ADCY5: variants seen among roughly 807,000 people sequenced by gnomAD.
The protein encoded by ADCY5 is adenylate cyclase 5.
ADCY5 carries 30 observed loss-of-function variants against 119.7 expected under a neutral mutation model. The ratio of observed to expected loss-of-function variants is 0.25; its 90% CI spans 0.19 to 0.34. ADCY5 has a LOEUF of 0.34. Among genes scored for constraint, ADCY5 ranks in the 10% least tolerant of loss-of-function variants. The pLI is 1.00. For missense variants in ADCY5, 1,324 were observed against 1,775.2 expected, an observed-to-expected ratio of 0.75 and a Z score of 4.57; for synonymous variants, 753 against 762.2, an observed-to-expected ratio of 0.99 and a Z score of 0.20.
chr3:123,347,879 G>GA lies in ADCY5; in HGVS notation c.1308dup (p.Pro437SerfsTer23). ...TTCATCTCCATGGCAACATGACGGG[G>GA]AAGGACAGACAGCAGGAGCCGTTCC... On this transcript the variant is annotated frameshift_variant, in exon 3 of 21. Transcript: ENST00000462833. LOFTEE classifies it high-confidence loss of function. 1.9e-6 allele frequency: 3 copies of GA among 1,614,128 alleles called. No individual in the cohort carries two copies. The highest frequency in any genetic ancestry group is 2.5e-6 in the Non-Finnish European group (3 of 1,180,032).
At position 123,325,352 on chromosome 3, in the gene ADCY5, G is replaced by A; in HGVS notation, c.2058C>T (p.Gly686=). ...GCTTCATCTCCTTGGACACCTGGTT[G>A]CCACCCAGGTGGTTGTAGAAGGGGC... ...AERPFYNHLG[G]NQVSKEMKRM... The change falls in exon 8 of 21, where the codon GGC becomes GGT. Residue 686 remains glycine, a synonymous_variant. Transcript: ENST00000462833. 1 of 1,614,152 alleles carries A rather than the reference G, an allele frequency of 6.2e-7. No homozygotes were observed. Among genetic ancestry groups the A allele is most frequent in the Non-Finnish European group, 8.5e-7 (1 of 1,180,026 alleles).
intron 3 of ADCY5, among the ~76,000 whole-genome samples, chr3:123,342,400 A>G (rs964417485): frequency 6.6e-6 from 1 of 152,136 alleles, no homozygotes; most frequent in Non-Finnish European, 1.5e-5. Context: ...GGAAAGACTG[A>G]GGAGACAGGG....
intron 1 of ADCY5, among the ~76,000 whole-genome samples, chr3:123,359,560 T>C (rs909803849): frequency 6.6e-6 from 1 of 151,474 alleles, no homozygotes; most frequent in Non-Finnish European, 1.5e-5. Context: ...ACTGCAGCGT[T>C]TTCCGTGTGC....
intron 1 of ADCY5, 24 bp downstream of exon 1, chr3:123,447,388 C>G (rs1338801208): frequency 6.6e-7 from 1 of 1,516,352 alleles, no homozygotes; most frequent in Admixed American, 2.1e-5. Context: ...GCAATCCAGT[C>G]CCGGTGGCCA....
intron 1 of ADCY5, among the ~76,000 whole-genome samples, chr3:123,433,457 C>A (rs1559877389): frequency 6.6e-6 from 1 of 152,196 alleles, no homozygotes; most frequent in Non-Finnish European, 1.5e-5. Flanking sequence ...GCCGTCCCAT[C>A]CCCAAAAGAA....
chr3:123,318,104 A>G lies in ADCY5; in HGVS notation c.2270T>C (p.Val757Ala). 1 of 1,613,380 alleles carries G rather than the reference A, an allele frequency of 6.2e-7. No individual in the cohort carries two copies. The highest frequency in any genetic ancestry group is 8.5e-7 in the Non-Finnish European group (1 of 1,179,710). The change falls in exon 11 of 21, where the codon GTA becomes GCA. Residue 757 changes from valine to alanine, a missense_variant. By Grantham distance (64) the Val-to-Ala change is moderately conservative. This residue lies in a region of ADCY5 where 424 missense variants were observed against 546.8 expected (regional missense o/e 0.78). Coordinates refer to ENST00000462833, the MANE Select transcript of ADCY5 (RefSeq NM_183357.3). Reference sequence around the variant, plus strand: ...CACATAGGCACCAAATCGGTCGTCTACCTGCTTGGAGTACTGAGAGGAGAC... The same window carrying G: ...CACATAGGCACCAAATCGGTCGTCTGCCTGCTTGGAGTACTGAGAGGAGAC... Reference protein sequence around the residue: ...PDLEKKYSKQVDDRFGAYVAC... With the variant: ...PDLEKKYSKQADDRFGAYVAC...
Position 123,314,303 on chromosome 3 carries a change from A to G in ADCY5, c.2374T>C (p.Phe792Leu). 1 of 1,613,434 alleles carries G rather than the reference A, an allele frequency of 6.2e-7. No individual in the cohort carries two copies. The highest frequency in any genetic ancestry group is 8.5e-7 in the Non-Finnish European group (1 of 1,179,476). Residue 792 changes from phenylalanine to leucine, a missense_variant, in exon 12 of 21, where the codon TTC becomes CTC. Coordinates refer to ENST00000462833, the MANE Select transcript of ADCY5 (RefSeq NM_183357.3). ...AGCAGCAGGGAACAGGTCAGGTAGA[A>G]GCTGAGCATGAATATGGAGCTGGAA... ...IVPHSIFMLSFYLTCSLLLTL... is the reference protein window; with the variant it reads ...IVPHSIFMLSLYLTCSLLLTL...
At chr3:123,345,755 CAGACAGACAG>C (rs1942506257) in intron 3 of ADCY5, among the ~76,000 whole-genome samples, 1 of 56,244 alleles carries the variant, frequency 1.8e-5, no homozygotes, top group Non-Finnish European at 4.9e-5. Flanking sequence ...GACAGACAGA[CAGACAGACAG>C]ACAGACACAC....
rs1938569162 is a variant in ADCY5, at chr3:123,284,096, C to T, written c.*512G>A. 1 of 154,438 alleles carries T rather than the reference C, an allele frequency of 6.5e-6. No individual in the cohort carries two copies. Among genetic ancestry groups the T allele is most frequent in the Non-Finnish European group, 1.4e-5 (1 of 69,522 alleles). 9.6% of individuals were successfully genotyped at this position (154,438 alleles called of 1,614,324 possible). ...AGAGGACCACGATGAAGGCCACAGT[C>T]CCTCCAAAGCCAGCACTCCTGTGCC... is the stretch of plus-strand genomic sequence containing the variant. On this transcript the variant is annotated 3_prime_UTR_variant, in exon 21 of 21. Coordinates refer to ENST00000462833, the MANE Select transcript of ADCY5 (RefSeq NM_183357.3).
At chr3:123,337,268 G>A (rs1023811342) in intron 3 of ADCY5, among the ~76,000 whole-genome samples, 4 of 152,188 alleles carry the variant, frequency 2.6e-5, no homozygotes, top group Non-Finnish European at 5.9e-5. Context: ...CAGCCCTTAG[G>A]AAACAAGCAG....
chr3:123,443,989 A>C (rs905957104), intron 1 of ADCY5, among the ~76,000 whole-genome samples: 1 of 152,198 alleles, frequency 6.6e-6, no homozygotes, highest in African/African-American at 2.4e-5. Context: ...CCTTCTCCAA[A>C]ATAATCGTTA....
chr3:123,361,849 A>C (rs1042867712), intron 1 of ADCY5, among the ~76,000 whole-genome samples: 1 of 152,212 alleles, frequency 6.6e-6, no homozygotes, highest in Non-Finnish European at 1.5e-5. Context: ...ATTTTAAAAT[A>C]ATTTTGTGCA....
In ADCY5 at chr3:123,304,083, G is replaced by A. The variant is rs150642009; in HGVS notation, c.2543C>T (p.Ala848Val). The change falls in exon 13 of 21, where the codon GCG becomes GTG. Residue 848 changes from alanine (A) to valine (V), a missense_variant. Coordinates refer to ENST00000462833, the MANE Select transcript of ADCY5 (RefSeq NM_183357.3). ...GCCACCCACCATGTTGACAAAAGCC[G>A]CCAGGAACACCAGGGTGATGGTGAA... ...GVFTITLVFLAAFVNMFTCNS... is the reference protein window; with the variant it reads ...GVFTITLVFLVAFVNMFTCNS... 20 of 1,612,680 alleles carry A rather than the reference G, an allele frequency of 1.2e-5. No homozygotes were observed. Among genetic ancestry groups the A allele is most frequent in the Middle Eastern group, 3.3e-4 (2 of 6,078 alleles).
At chr3:123,331,785 G>A (rs1278390985) in intron 4 of ADCY5, among the ~76,000 whole-genome samples, 1 of 152,232 alleles carries the variant, frequency 6.6e-6, no homozygotes. Flanking sequence ...ACAAGCAGGT[G>A]CTATTCACCT....
intron 1 of ADCY5, among the ~76,000 whole-genome samples, chr3:123,372,485 C>T (rs1943674814): frequency 1.3e-5 from 2 of 152,176 alleles, no homozygotes; most frequent in Admixed American, 1.3e-4. Context: ...GGAAGCAGCA[C>T]CCCTTCCCAG....
chr3:123,316,673 G>A (rs557442053), intron 11 of ADCY5, among the ~76,000 whole-genome samples: 3 of 152,314 alleles, frequency 2.0e-5, no homozygotes, highest in South Asian at 2.1e-4. Context: ...ATTTTGAGTA[G>A]ACCCTGGCTA....
chr3:123,406,070 A>C (rs1576673577), intron 1 of ADCY5, among the ~76,000 whole-genome samples: 1 of 152,140 alleles, frequency 6.6e-6, no homozygotes, highest in Non-Finnish European at 1.5e-5. Flanking sequence ...TCATATGCAA[A>C]CCAACCAATC....
In ADCY5 at chr3:123,286,981, A is replaced by G; in HGVS notation, c.3533-172T>C. The G allele has an allele frequency of 1.2e-6, 1 of 830,172 alleles. No homozygotes were observed. The highest frequency in any genetic ancestry group is 1.8e-6 in the Non-Finnish European group (1 of 570,024). 51.4% of individuals were successfully genotyped at this position (830,172 alleles called of 1,614,324 possible). On this transcript the variant is annotated intron_variant, in intron 19 of 20. Coordinates refer to ENST00000462833, the MANE Select transcript of ADCY5 (RefSeq NM_183357.3). The surrounding 1 kb of genome is among the most constrained non-coding windows in gnomAD (Gnocchi z 4.2). ...CCTCCCGCTACCCTGCTCCTGTCAA[A>G]TGCCTGTGAATGCAAGACACAAGGA... is the stretch of plus-strand genomic sequence containing the variant.
chr3:123,311,185 G>T (rs192440233), intron 12 of ADCY5, among the ~76,000 whole-genome samples: 3 of 152,222 alleles, frequency 2.0e-5, no homozygotes, highest in Non-Finnish European at 4.4e-5. Flanking sequence ...GCCACTCTCC[G>T]TGACTTCTGA....
Sources: gnomAD v4.1 joint callset for allele counts (sites outside exome capture counted in the v4.1 genomes callset) on GRCh38, gnomAD v4.1.1 for gene constraint, gnomAD v4.1.1 regional missense constraint, Gnocchi (gnomAD v3.1) non-coding constraint, MANE v1.5 for transcripts, NCBI Gene and HGNC (gene_info 2026-07-23, HGNC 2026-07-21) for gene names.